ZNF749: variants seen among roughly 807,000 people sequenced by gnomAD.
ZNF749 encodes zinc finger protein 749.
ZNF749 carries 8 observed loss-of-function variants against 7.3 expected under a neutral mutation model. The observed-to-expected ratio is 1.10, with a 90% CI of 0.64 to 1.98. The LOEUF (loss-of-function observed/expected upper bound fraction) is 1.98. Ranked by LOEUF, ZNF749 falls within the 30% of genes most tolerant of loss-of-function variation. The pLI is 0.00. For missense variants in ZNF749, 898 were observed against 932.4 expected (o/e 0.96, Z 0.48); for synonymous variants, 310 against 322.4 (o/e 0.96, Z 0.41).
At chr19:57,429,056 C>T in the ZNF749 span, among the ~76,000 whole-genome samples, 28 of 152,106 alleles carry the variant, frequency 1.8e-4, no homozygotes, top group Admixed American at 3.3e-4. The surrounding 1 kb of genome is among the most constrained non-coding windows in gnomAD (Gnocchi z 4.2). Flanking sequence ...GGTAGAGTTT[C>T]GCTCTTGTTG....
intron 1 of ZNF749, among the ~76,000 whole-genome samples, chr19:57,440,179 G>A (rs1205889889): frequency 6.6e-6 from 1 of 152,096 alleles, no homozygotes; most frequent in Non-Finnish European, 1.5e-5. Context: ...AGGGTTTCAT[G>A]GTGAGTCTTG....
intron 1 of ZNF749, chr19:57,438,305 A>C: frequency 2.7e-6 from 1 of 369,112 alleles, no homozygotes; most frequent in Non-Finnish European, 4.8e-6. Flanking sequence ...CAATAATGTG[A>C]ACTTGTGATC....
In ZNF749 at chr19:57,446,661, T is replaced by C. The variant is rs1004039985; in HGVS notation, c.*1176T>C. Among the ~76,000 whole-genome samples the C allele has an allele frequency of 6.6e-6, 1 of 152,186 alleles. No individual in the cohort carries two copies. Among genetic ancestry groups the C allele is most frequent in the African/African-American group, 2.4e-5 (1 of 41,428 alleles). On this transcript the variant is annotated 3_prime_UTR_variant, in exon 3 of 3. Transcript: ENST00000334181. ...CATGTGTCGCCTAACAAGAGGACTG[T>C]GTTCTGAGTAATCATCTTAAGGTGA... is the stretch of plus-strand genomic sequence containing the variant.
At chr19:57,435,085 C>T (rs2088919836), upstream of ZNF749, among the ~76,000 whole-genome samples, 1 of 152,224 alleles carries the variant, frequency 6.6e-6, no homozygotes, top group African/African-American at 2.4e-5. Flanking sequence ...AGCCCCGGAA[C>T]TGCATTTCTT....
At chr19:57,441,583 G>A (rs972734995) in intron 1 of ZNF749, among the ~76,000 whole-genome samples, 4 of 152,086 alleles carry the variant, frequency 2.6e-5, no homozygotes, top group African/African-American at 9.7e-5. Context: ...GGCAGGAAAG[G>A]CATGCAGGGT....
At chr19:57,437,605 T>C (rs2088947534) in intron 1 of ZNF749, among the ~76,000 whole-genome samples, 1 of 151,378 alleles carries the variant, frequency 6.6e-6, no homozygotes, top group Non-Finnish European at 1.5e-5. Context: ...GCGCCTGTAA[T>C]CCCAGCTACT....
intron 1 of ZNF749, 73 bp downstream of exon 1, chr19:57,435,666 A>G: frequency 6.4e-7 from 1 of 1,561,214 alleles, no homozygotes; most frequent in Non-Finnish European, 8.7e-7. Flanking sequence ...GCCGCCCTGC[A>G]GGTTAGGCCC....
At position 57,444,020 on chromosome 19, in the gene ZNF749, T is replaced by G. The variant is rs1193610464; in HGVS notation, c.872T>G (p.Ile291Ser). 6.2e-7 allele frequency: 1 copy of G among 1,613,914 alleles called. No homozygotes were observed. Among genetic ancestry groups the G allele is most frequent in the Admixed American group, 1.7e-5 (1 of 60,016 alleles). The change falls in exon 3 of 3, where the codon ATT becomes AGT. Residue 291 changes from isoleucine (I) to serine (S), a missense_variant. Ile to Ser is a moderately radical substitution (Grantham distance 142). Coordinates refer to ENST00000334181, the MANE Select transcript of ZNF749 (RefSeq NM_001023561.4). ...KRSDPIEHQEILSRPTPYECT... is the reference protein window; with the variant it reads ...KRSDPIEHQESLSRPTPYECT... ...TCTGACCCCATTGAACATCAGGAGA[T>G]TCTCAGTAGACCAACACCTTATGAA...
chr19:57,431,518 G>C (rs993640404), upstream of ZNF749, among the ~76,000 whole-genome samples: 3 of 152,184 alleles, frequency 2.0e-5, no homozygotes, highest in Non-Finnish European at 4.4e-5. Context: ...TCTGAGAGGA[G>C]TGTAATGATT....
Position 57,443,477 on chromosome 19 carries a change from G to A in ZNF749, c.329G>A (p.Gly110Glu), listed in dbSNP as rs376821529. 1.9e-6 allele frequency: 3 copies of A among 1,614,054 alleles called. No homozygotes were observed. Among genetic ancestry groups the A allele is most frequent in the Non-Finnish European group, 2.5e-6 (3 of 1,180,014 alleles). Reference sequence around the variant, plus strand: ...CACGATGGAACACACCCTGAGCAAGGGCTGTACACATGTGCAGCAGAGCAT... The same window carrying A: ...CACGATGGAACACACCCTGAGCAAGAGCTGTACACATGTGCAGCAGAGCAT... ...AEHDGTHPEQ[G>E]LYTCAAEHDL... The change falls in exon 3 of 3, where the codon GGG becomes GAG. Residue 110 changes from glycine (G) to glutamate (E), a missense_variant. Gly to Glu is a moderately conservative substitution (Grantham distance 98). Transcript: ENST00000334181.
rs1041531927 is a variant in ZNF749, at chr19:57,444,893, G to A, written c.1745G>A (p.Arg582Gln). Residue 582 changes from arginine (R) to glutamine (Q), a missense_variant, in exon 3 of 3, where the codon CGG becomes CAG. By Grantham distance (43) the Arg-to-Gln change is conservative (BLOSUM62 1). Coordinates refer to ENST00000334181, the MANE Select transcript of ZNF749 (RefSeq NM_001023561.4). ...DGHQKIQTGE[R>Q]RYECNECGKF... is the part of the protein sequence containing the mutation. ...CACCAGAAAATCCAGACTGGAGAAC[G>A]GCGTTATGAATGCAATGAATGTGGG... The A allele has an allele frequency of 2.5e-6, 4 of 1,614,068 alleles. No homozygotes were observed. Among genetic ancestry groups the A allele is most frequent in the Middle Eastern group, 1.6e-4 (1 of 6,084 alleles).
Position 57,444,118 on chromosome 19 carries a change from C to T in ZNF749, c.970C>T (p.Gln324Ter). 6.2e-7 allele frequency: 1 copy of T among 1,613,966 alleles called. No individual in the cohort carries two copies. The highest frequency in any genetic ancestry group is 8.5e-7 in the Non-Finnish European group (1 of 1,179,972). The stretch of plus-strand genomic sequence containing the variant: ...TCACCAGAAAACCCATACTGGAGAA[C>T]AGCCCTATGAATGCAACAAGTGTGG... ...VGHQKTHTGE[Q>*]PYECNKCGKF... The change falls in exon 3 of 3, where the codon CAG becomes TAG. Residue 324 changes from glutamine to a stop codon, truncating the protein, a stop_gained. Coordinates refer to ENST00000334181, the MANE Select transcript of ZNF749 (RefSeq NM_001023561.4). LOFTEE classifies it low-confidence loss of function (END_TRUNC).
Position 57,443,592 on chromosome 19 carries a change from A to G in ZNF749, c.444A>G (p.Gly148=). The change falls in exon 3 of 3, where the codon GGA becomes GGG. Residue 148 remains glycine, a synonymous_variant. Transcript: ENST00000334181. ...PSFVNHSAHV[G]ERNFTCTQGG... is the part of the protein sequence containing the mutation. ...TTGTGAACCACAGTGCTCACGTGGG[A>G]GAGAGGAACTTCACATGCACGCAGG... 3.7e-6 allele frequency: 6 copies of G among 1,614,214 alleles called. No homozygotes were observed. The highest frequency in any genetic ancestry group is 5.1e-6 in the Non-Finnish European group (6 of 1,180,022).
chr19:57,438,251 G>T (rs978648457), intron 1 of ZNF749: 6 of 391,754 alleles, frequency 1.5e-5, no homozygotes, highest in African/African-American at 2.1e-5. Flanking sequence ...TCACGACCCA[G>T]GCACAAGTGT....
At chr19:57,437,012 A>C (rs2088942024) in intron 1 of ZNF749, among the ~76,000 whole-genome samples, 2 of 152,178 alleles carry the variant, frequency 1.3e-5, no homozygotes, top group South Asian at 4.1e-4. Context: ...TTTAAGGAAA[A>C]AAGAAGCAGT....
At chr19:57,428,710 T>TTTC in the ZNF749 span, 1 of 152,170 alleles carries the variant, frequency 6.6e-6, no homozygotes, top group Non-Finnish European at 1.5e-5. Context: ...AATCTGAGCG[T>TTTC]TTAAGTGTAT....
intron 2 of ZNF749, 97 bp from the exon 3 acceptor site, chr19:57,443,194 G>A: frequency 9.5e-7 from 1 of 1,052,832 alleles, no homozygotes. Context: ...CCAGTCCTGT[G>A]CCCTCATTTG....
At chr19:57,438,209 C>T (rs1029988385) in intron 1 of ZNF749, 4 of 397,216 alleles carry the variant, frequency 1.0e-5, no homozygotes, top group East Asian at 3.6e-5. Flanking sequence ...TGACAAACTG[C>T]GTCTGCCACC....
upstream of ZNF749, among the ~76,000 whole-genome samples, chr19:57,432,297 G>A (rs192362485): frequency 4.2e-4 from 63 of 151,002 alleles, no homozygotes; most frequent in Non-Finnish European, 6.9e-4. Context: ...AAAAGGAGGC[G>A]GGGCGCGGTG....
Sources: allele counts gnomAD v4.1 joint callset (sites outside exome capture counted in the v4.1 genomes callset), GRCh38; gene constraint gnomAD v4.1.1; non-coding constraint Gnocchi (gnomAD v3.1); transcripts MANE v1.5; gene names NCBI Gene and HGNC (gene_info 2026-07-23, HGNC 2026-07-21).